EXT1: variants seen among roughly 807,000 people sequenced by gnomAD.
EXT1 encodes exostosin glycosyltransferase 1.
EXT1 carries 20 observed loss-of-function variants against 82.5 expected under a neutral mutation model. That is an observed-to-expected ratio of 0.24 (90% CI 0.17 to 0.35). The LOEUF is 0.35. Ranked by LOEUF, EXT1 falls within the 10% of genes least tolerant of loss-of-function variation. The pLI is 1.00. For missense variants in EXT1, 757 were observed against 936.5 expected, an observed-to-expected ratio of 0.81 and a Z score of 2.50; for synonymous variants, 348 against 350.8, an observed-to-expected ratio of 0.99 and a Z score of 0.09.
At chr8:118,017,481 T>C (rs1382207264) in intron 1 of EXT1, among the ~76,000 whole-genome samples, 1 of 152,070 alleles carries the variant, frequency 6.6e-6, no homozygotes, top group East Asian at 1.9e-4. Flanking sequence ...CAGGGACTTA[T>C]CTCCCCTCAC....
intron 1 of EXT1, among the ~76,000 whole-genome samples, chr8:117,919,378 T>TG (rs1287144286): frequency 1.3e-5 from 2 of 151,882 alleles, no homozygotes; most frequent in Non-Finnish European, 2.9e-5. Context: ...TTGGTAGAGA[T>TG]GGGGTCTCCC....
intron 1 of EXT1, among the ~76,000 whole-genome samples, chr8:117,999,375 G>C (rs1165372645): frequency 1.3e-5 from 2 of 152,176 alleles, no homozygotes; most frequent in Admixed American, 1.3e-4. Flanking sequence ...AAATCTTCTA[G>C]AAAATGGTCC....
At chr8:117,836,687 G>C (rs1221026681) in intron 2 of EXT1, among the ~76,000 whole-genome samples, 1 of 152,124 alleles carries the variant, frequency 6.6e-6, no homozygotes, top group Non-Finnish European at 1.5e-5. Flanking sequence ...CATCTGAGTA[G>C]TACCACCATG....
chr8:117,940,305 G>A (rs1369287580), intron 1 of EXT1, among the ~76,000 whole-genome samples: 1 of 152,212 alleles, frequency 6.6e-6, no homozygotes, highest in East Asian at 1.9e-4. Context: ...GGGAGCAGGT[G>A]GAAGAAAATG....
At chr8:117,844,086 C>G (rs1410262179) in intron 1 of EXT1, among the ~76,000 whole-genome samples, 1 of 151,818 alleles carries the variant, frequency 6.6e-6, no homozygotes, top group East Asian at 1.9e-4. Flanking sequence ...ACCATGTTGC[C>G]TTAGACCCTT....
chr8:117,982,115 T>C (rs1199405812), intron 1 of EXT1, among the ~76,000 whole-genome samples: 2 of 152,144 alleles, frequency 1.3e-5, no homozygotes, highest in Non-Finnish European at 2.9e-5. Flanking sequence ...GTCACAAGTC[T>C]GGGGACATAG....
chr8:117,905,213 G>A (rs1370537543), intron 1 of EXT1, among the ~76,000 whole-genome samples: 3 of 152,198 alleles, frequency 2.0e-5, no homozygotes, highest in Non-Finnish European at 4.4e-5. Flanking sequence ...ATCTAGCTCT[G>A]TTGGCTGACC....
intron 1 of EXT1, among the ~76,000 whole-genome samples, chr8:117,868,190 A>AC (rs1263334879): frequency 1.3e-5 from 2 of 152,224 alleles, no homozygotes; most frequent in East Asian, 3.9e-4. Context: ...TTCAGCTGCA[A>AC]CCCTCTGTAT....
chr8:118,103,954 G>A (rs1020908367), intron 1 of EXT1, among the ~76,000 whole-genome samples: 10 of 152,170 alleles, frequency 6.6e-5, no homozygotes, highest in South Asian at 4.1e-4. Context: ...CCTGACTCAC[G>A]CTTCACGTAT....
At chr8:118,024,690 T>C (rs1404460391) in intron 1 of EXT1, among the ~76,000 whole-genome samples, 1 of 152,130 alleles carries the variant, frequency 6.6e-6, no homozygotes, top group African/African-American at 2.4e-5. Context: ...GAGTGACAGC[T>C]AATATAAGAA....
chr8:118,096,494 A>G (rs1817612577), intron 1 of EXT1, among the ~76,000 whole-genome samples: 1 of 152,012 alleles, frequency 6.6e-6, no homozygotes, highest in Admixed American at 6.6e-5. Context: ...GGTGGTACTC[A>G]GGAGGCTGAG....
chr8:117,924,388 C>T (rs1034805772), intron 1 of EXT1, among the ~76,000 whole-genome samples: 4 of 152,200 alleles, frequency 2.6e-5, no homozygotes, highest in Admixed American at 6.5e-5. Flanking sequence ...TAAAAGCCAA[C>T]GGGAACAATG....
At chr8:117,925,607 A>G (rs1322169936) in intron 1 of EXT1, among the ~76,000 whole-genome samples, 1 of 150,286 alleles carries the variant, frequency 6.7e-6, no homozygotes, top group African/African-American at 2.5e-5. Context: ...GGTGGCTCAC[A>G]CCTGTAATCC....
intron 10 of EXT1, among the ~76,000 whole-genome samples, chr8:117,803,568 T>C (rs1823197917): frequency 6.6e-6 from 1 of 152,080 alleles, no homozygotes; most frequent in Non-Finnish European, 1.5e-5. Flanking sequence ...ATTCGGCATA[T>C]CCAGGTGGAC....
chr8:117,879,339 G>GA (rs967507309), intron 1 of EXT1, among the ~76,000 whole-genome samples: 3 of 151,770 alleles, frequency 2.0e-5, no homozygotes, highest in African/African-American at 7.3e-5. Flanking sequence ...AACGTAAAGT[G>GA]AAACAAAAAC....
chr8:117,802,012 G>T (rs1488211413), intron 10 of EXT1, among the ~76,000 whole-genome samples: 1 of 152,126 alleles, frequency 6.6e-6, no homozygotes, highest in Non-Finnish European at 1.5e-5. Context: ...TATTAGAAAA[G>T]ATGCCTTTCT....
chr8:117,896,149 C>T lies in EXT1; in HGVS notation c.963-58948G>A, dbSNP rs562308102. Among the ~76,000 whole-genome samples, 311 of 152,322 alleles carry T rather than the reference C, an allele frequency of 2.0e-3. 11 individuals are homozygous for T. In the South Asian group the frequency reaches 0.062, roughly 30 times the overall value. ...CTAAGGGTTTAAACTTGAAAACTCA[C>T]ATTCAGGCACACATGCTTATGCCTG... On this transcript the variant is annotated intron_variant, in intron 1 of 10. Transcript: ENST00000378204.
At chr8:117,965,452 G>A (rs1217383859) in intron 1 of EXT1, among the ~76,000 whole-genome samples, 3 of 151,810 alleles carry the variant, frequency 2.0e-5, no homozygotes, top group African/African-American at 7.3e-5. Flanking sequence ...TAAAAACAAG[G>A]GGGAATTACC....
At chr8:117,984,401 C>T (rs1475749752) in intron 1 of EXT1, among the ~76,000 whole-genome samples, 1 of 150,274 alleles carries the variant, frequency 6.7e-6, no homozygotes, top group Non-Finnish European at 1.5e-5. Context: ...TGCACTCCAG[C>T]CTGGGTGATA....
Sources: allele counts gnomAD v4.1 joint callset (sites outside exome capture counted in the v4.1 genomes callset), GRCh38; gene constraint gnomAD v4.1.1; transcripts MANE v1.5; gene names NCBI Gene and HGNC (gene_info 2026-07-23, HGNC 2026-07-21).